PDE4D: variants seen among roughly 807,000 people sequenced by gnomAD.
PDE4D encodes the protein 3',5'-cyclic-AMP phosphodiesterase 4D.
Under a neutral mutation model 87.4 loss-of-function variants are expected in PDE4D, and 24 were observed. That is an observed-to-expected ratio of 0.27 (90% CI 0.20 to 0.39). PDE4D has a LOEUF of 0.39. Among genes scored for constraint, PDE4D ranks in the 10% least tolerant of loss-of-function variants. The pLI is 1.00. For synonymous variants in PDE4D, 384 were observed against 383.2 expected (o/e 1.00, Z -0.02); for missense variants, 714 against 1,041.0 (o/e 0.69, Z 4.32).
intron 1 of PDE4D, among the ~76,000 whole-genome samples, chr5:59,324,671 C>T (rs1015616748): frequency 1.6e-4 from 24 of 152,122 alleles, no homozygotes; most frequent in Admixed American, 8.5e-4. Flanking sequence ...CTCACCAACA[C>T]TTGAGGCTGG....
At chr5:59,506,410 T>C (rs541325348) in intron 1 of PDE4D, among the ~76,000 whole-genome samples, 146 of 152,266 alleles carry the variant, frequency 9.6e-4, no homozygotes, top group African/African-American at 3.3e-3. Flanking sequence ...AAATAGCTTA[T>C]TGGCTAAGAA....
intron 1 of PDE4D, among the ~76,000 whole-genome samples, chr5:59,244,830 G>A (rs146767815): frequency 2.7e-5 from 4 of 150,436 alleles, no homozygotes; most frequent in East Asian, 2.0e-4. Flanking sequence ...TGTGGGGTAT[G>A]TGTGTATATG....
At chr5:59,591,698 C>T (rs2153703456) in intron 1 of PDE4D, among the ~76,000 whole-genome samples, 1 of 152,264 alleles carries the variant, frequency 6.6e-6, no homozygotes, top group East Asian at 1.9e-4. Context: ...GGCTGGATTA[C>T]TTTTGTCCCT....
intron 1 of PDE4D, among the ~76,000 whole-genome samples, chr5:59,755,429 A>G (rs981336634): frequency 3.3e-5 from 5 of 152,196 alleles, no homozygotes; most frequent in African/African-American, 1.2e-4. Context: ...TACTAGAAAT[A>G]TTAAATGTAA....
intron 2 of PDE4D, among the ~76,000 whole-genome samples, chr5:60,155,198 C>T (rs188641792): frequency 4.2e-4 from 64 of 152,306 alleles, no homozygotes; most frequent in African/African-American, 1.4e-3. Context: ...ATTACCAATA[C>T]ACACTATCAC....
At chr5:59,961,316 A>C (rs1759445804) in intron 3 of PDE4D, among the ~76,000 whole-genome samples, 1 of 147,330 alleles carries the variant, frequency 6.8e-6, no homozygotes, top group Non-Finnish European at 1.5e-5. Flanking sequence ...AAAAAAAAAA[A>C]GGCCACGAGA....
intron 1 of PDE4D, among the ~76,000 whole-genome samples, chr5:59,660,290 C>A (rs1745028496): frequency 6.6e-6 from 1 of 152,058 alleles, no homozygotes; most frequent in Non-Finnish European, 1.5e-5. Flanking sequence ...GTATTTTATT[C>A]TAATGAACTC....
At chr5:59,256,158 T>C (rs980882910) in intron 1 of PDE4D, among the ~76,000 whole-genome samples, 2 of 152,144 alleles carry the variant, frequency 1.3e-5, no homozygotes, top group Admixed American at 1.3e-4. Context: ...ATAGTAGCTG[T>C]AACCCCAGTA....
rs556209426 is a variant in PDE4D at position 59,805,147 on chromosome 5, T to C, written c.455+88021A>G. Among the ~76,000 whole-genome samples, 17 of 152,332 alleles carry C rather than the reference T, an allele frequency of 1.1e-4. No homozygotes were observed. In the South Asian group the frequency reaches 2.9e-3, roughly 26 times the overall value. On this transcript the variant is annotated intron_variant, in intron 1 of 14. Transcript: ENST00000340635. ...TGAAACAGAAGACTTTCAAAATGTA[T>C]GTAATGACCCTGTGTGTATTCCACT... is the stretch of plus-strand genomic sequence containing the variant.
intron 1 of PDE4D, chr5:59,275,986 C>A: frequency 5.1e-6 from 5 of 985,268 alleles, no homozygotes; most frequent in Non-Finnish European, 6.0e-6. Flanking sequence ...AAAGTAATTT[C>A]TGTGTGTCCC....
chr5:59,697,576 C>T (rs1751964878), intron 1 of PDE4D, among the ~76,000 whole-genome samples: 1 of 152,202 alleles, frequency 6.6e-6, no homozygotes, highest in South Asian at 2.1e-4. Context: ...AACAAAGTTT[C>T]ACTATGCTCA....
intron 1 of PDE4D, among the ~76,000 whole-genome samples, chr5:59,629,630 T>C (rs1831324967): frequency 6.6e-6 from 1 of 152,180 alleles, no homozygotes; most frequent in South Asian, 2.1e-4. Context: ...AACGGTGAGA[T>C]AATAAATTTC....
intron 1 of PDE4D, among the ~76,000 whole-genome samples, chr5:59,308,581 G>A (rs1468091061): frequency 6.6e-6 from 1 of 151,822 alleles, no homozygotes; most frequent in Non-Finnish European, 1.5e-5. Flanking sequence ...TAGCTTGTAG[G>A]CTTTCTGCTG....
At chr5:60,338,515 A>G (rs1053031040) in intron 1 of PDE4D, among the ~76,000 whole-genome samples, 12 of 152,132 alleles carry the variant, frequency 7.9e-5, no homozygotes, top group Non-Finnish European at 1.6e-4. Context: ...ATGGCTATCT[A>G]TGAGCAGTGC....
chr5:60,229,217 A>G (rs1338319354), intron 1 of PDE4D, among the ~76,000 whole-genome samples: 5 of 152,062 alleles, frequency 3.3e-5, no homozygotes, highest in Non-Finnish European at 7.4e-5. Flanking sequence ...AAAAATAAAC[A>G]TCCTGGCACT....
chr5:59,039,019 G>A (rs1325005242), intron 5 of PDE4D, 48 bp from the exon 6 acceptor site: 1 of 1,543,014 alleles, frequency 6.5e-7, no homozygotes, highest in East Asian at 2.5e-5. Context: ...GCGCTTCACG[G>A]GTCCGCTAGC....
chr5:59,288,037 C>A (rs986781272), intron 1 of PDE4D, among the ~76,000 whole-genome samples: 10 of 151,636 alleles, frequency 6.6e-5, no homozygotes, highest in South Asian at 2.1e-4. Context: ...CAATAAATAC[C>A]CAACTCTTCA....
chr5:59,273,573 A>T (rs1432938009), intron 1 of PDE4D, among the ~76,000 whole-genome samples: 1 of 152,104 alleles, frequency 6.6e-6, no homozygotes, highest in Non-Finnish European at 1.5e-5. Context: ...TTATTAAGTC[A>T]GATGTAAGAT....
At chr5:60,304,600 G>A (rs894242186) in intron 1 of PDE4D, among the ~76,000 whole-genome samples, 1 of 143,710 alleles carries the variant, frequency 7.0e-6, no homozygotes, top group Admixed American at 7.1e-5. Context: ...AGCCGAGATT[G>A]CGCCACTGCA....
Sources: allele counts gnomAD v4.1 joint callset (sites outside exome capture counted in the v4.1 genomes callset), GRCh38; gene constraint gnomAD v4.1.1; transcripts MANE v1.5; gene names NCBI Gene and HGNC (gene_info 2026-07-23, HGNC 2026-07-21).